Variants in PCBP3 observed in about 807,000 individuals in gnomAD.
PCBP3 encodes the protein poly(rC)-binding protein 3.
PCBP3 carries 25 observed loss-of-function variants against 52.7 expected under a neutral mutation model. The observed-to-expected ratio is 0.47, with a 90% CI of 0.35 to 0.66. The LOEUF (loss-of-function observed/expected upper bound fraction) is 0.66, where lower values mean the gene tolerates loss of function less well. PCBP3 is among the 30% of genes least tolerant of loss of function. The pLI is 0.01. For synonymous variants in PCBP3, 162 were observed against 183.0 expected, an observed-to-expected ratio of 0.89 and a Z score of 0.93; for missense variants, 391 against 490.3, an observed-to-expected ratio of 0.80 and a Z score of 1.91.
chr21:45,893,841 TTGGATGCCA>T, intron 5 of PCBP3: 1 of 985,400 alleles, frequency 1.0e-6, no homozygotes. Flanking sequence ...CCATGGGGCC[TTGGATGCCA>T]GTGGTCCGAG....
chr21:45,855,702 C>T (rs138875344), intron 5 of PCBP3, among the ~76,000 whole-genome samples: 1 of 152,246 alleles, frequency 6.6e-6, no homozygotes, highest in East Asian at 1.9e-4. Context: ...GCCCACGTGT[C>T]TGTCTGCCTT....
At chr21:45,750,364 C>T (rs1247593033) in intron 3 of PCBP3, 1 of 151,564 alleles carries the variant, frequency 6.6e-6, no homozygotes, top group African/African-American at 2.4e-5. Flanking sequence ...TGTGCAGCTC[C>T]CATGCAGACT....
intron 4 of PCBP3, among the ~76,000 whole-genome samples, chr21:45,771,490 C>T (rs1183966872): frequency 6.6e-6 from 1 of 152,062 alleles, no homozygotes; most frequent in Non-Finnish European, 1.5e-5. Flanking sequence ...TATATTTCAC[C>T]GTCTTAACAA....
At chr21:45,865,862 C>T (rs1055736835) in intron 5 of PCBP3, among the ~76,000 whole-genome samples, 2 of 152,164 alleles carry the variant, frequency 1.3e-5, no homozygotes, top group East Asian at 3.9e-4. Flanking sequence ...AGGGTGTGCA[C>T]CCCCCACAGC....
chr21:45,846,549 A>T (rs2093816772), intron 4 of PCBP3, among the ~76,000 whole-genome samples: 2 of 152,054 alleles, frequency 1.3e-5, no homozygotes, highest in South Asian at 4.1e-4. Flanking sequence ...GCTCTCTGTC[A>T]TGCTGAGTTA....
chr21:45,898,526 C>T (rs72497641), intron 6 of PCBP3, among the ~76,000 whole-genome samples: 19,055 of 110,028 alleles, frequency 0.17, 575 homozygotes, highest in East Asian at 0.41. Context: ...TCTCCCTCCA[C>T]GGACCCCTCT....
intron 4 of PCBP3, among the ~76,000 whole-genome samples, chr21:45,786,000 G>GGCC (rs1462690360): frequency 1.3e-4 from 20 of 150,150 alleles, no homozygotes; most frequent in African/African-American, 3.7e-4. Flanking sequence ...CACTGCGGAA[G>GGCC]GCCGCAGGGT....
At chr21:45,906,994 A>G (rs1413273686) in intron 9 of PCBP3, among the ~76,000 whole-genome samples, 2 of 152,242 alleles carry the variant, frequency 1.3e-5, no homozygotes, top group Non-Finnish European at 2.9e-5. Context: ...AGTGGCCACC[A>G]GGAGGATGAG....
At chr21:45,933,105 C>A (rs1240381833) in intron 15 of PCBP3, among the ~76,000 whole-genome samples, 1 of 152,184 alleles carries the variant, frequency 6.6e-6, no homozygotes, top group East Asian at 1.9e-4. Flanking sequence ...ACACATCGGC[C>A]ATGCCATCCT....
intron 9 of PCBP3, among the ~76,000 whole-genome samples, chr21:45,907,863 G>T (rs1291417495): frequency 1.3e-5 from 2 of 151,354 alleles, no homozygotes. Context: ...GGGGCGGGGG[G>T]AGTGCTGGGC....
Position 45,656,130 on chromosome 21 carries a change from A to G in PCBP3, c.-279+12262A>G, listed in dbSNP as rs973389484. 7.9e-5 allele frequency among the ~76,000 whole-genome samples: 12 copies of G among 152,204 alleles called. No homozygotes were observed. The highest frequency in any genetic ancestry group is 2.4e-4 in the African/African-American group (10 of 41,458). ...ACCAGAAATACCATTTGACCCAGCAATCCCATTACTGGGTATATACCCAAA... is the reference window on the plus strand; with the variant it reads ...ACCAGAAATACCATTTGACCCAGCAGTCCCATTACTGGGTATATACCCAAA... On this transcript the variant is annotated intron_variant, in intron 1 of 17. Coordinates refer to ENST00000681687, the MANE Select transcript of PCBP3 (RefSeq NM_001384156.1). This position sits in a 1 kb window ranked among gnomAD's most constrained non-coding sequence, Gnocchi z 4.3.
chr21:45,727,075 C>T (rs997691948), intron 2 of PCBP3, among the ~76,000 whole-genome samples: 2 of 152,150 alleles, frequency 1.3e-5, no homozygotes, highest in Non-Finnish European at 2.9e-5. Flanking sequence ...CCTTTTGTAT[C>T]ATGCTTAAGA....
intron 4 of PCBP3, among the ~76,000 whole-genome samples, chr21:45,771,801 A>G (rs59132102): frequency 0.022 from 3,418 of 152,282 alleles, 121 homozygotes; most frequent in East Asian, 0.12. Context: ...AAAAAGAAGA[A>G]GTAAAACTGT....
At chr21:45,655,768 C>A (rs6518254) in intron 1 of PCBP3, among the ~76,000 whole-genome samples, 151,543 of 152,312 alleles carry the variant, frequency 0.99, 75,393 homozygotes, top group East Asian at 1. Flanking sequence ...CATCTGACAA[C>A]GGTCTAATAT....
Position 45,880,363 on chromosome 21 carries a change from C to T in PCBP3, c.11-15845C>T, listed in dbSNP as rs1603463749. Among the ~76,000 whole-genome samples, 1 of 152,230 alleles carries T rather than the reference C, an allele frequency of 6.6e-6. No individual in the cohort carries two copies. The highest frequency in any genetic ancestry group is 1.5e-5 in the Non-Finnish European group (1 of 68,042). ...CCATGGCCCAAACCCAGCCCTGTGC[C>T]GCCTCTGTGGGCCACAGGGACCCCC... is the stretch of plus-strand genomic sequence containing the variant. On this transcript the variant is annotated intron_variant, in intron 5 of 17. Transcript: ENST00000681687. This position sits in a 1 kb window ranked among gnomAD's most constrained non-coding sequence, Gnocchi z 5.4.
At chr21:45,690,299 C>T (rs1424921462) in intron 2 of PCBP3, among the ~76,000 whole-genome samples, 1 of 152,060 alleles carries the variant, frequency 6.6e-6, no homozygotes, top group Non-Finnish European at 1.5e-5. Context: ...AACCTTGATT[C>T]TTGCCTAACA....
chr21:45,671,180 G>A (rs773888309), intron 2 of PCBP3, among the ~76,000 whole-genome samples: 41 of 152,178 alleles, frequency 2.7e-4, no homozygotes, highest in Admixed American at 2.6e-4. Context: ...CTGGGAAAGG[G>A]GAGCACAGTT....
chr21:45,773,381 C>T (rs978251298), intron 4 of PCBP3, among the ~76,000 whole-genome samples: 3 of 152,090 alleles, frequency 2.0e-5, no homozygotes, highest in Admixed American at 1.3e-4. Context: ...TTTCCACCAC[C>T]GTTTATTGAA....
chr21:45,833,134 C>T (rs1228141517), intron 4 of PCBP3, among the ~76,000 whole-genome samples: 1 of 152,200 alleles, frequency 6.6e-6, no homozygotes, highest in Non-Finnish European at 1.5e-5. Flanking sequence ...AAGGAGTGGG[C>T]ACCCCCATCC....
Sources: allele counts gnomAD v4.1 joint callset (sites outside exome capture counted in the v4.1 genomes callset), GRCh38; gene constraint gnomAD v4.1.1; non-coding constraint Gnocchi (gnomAD v3.1); transcripts MANE v1.5; gene names NCBI Gene and HGNC (gene_info 2026-07-23, HGNC 2026-07-21).